The following ST8SIA1 variants were observed in gnomAD, a reference collection of about 807,000 sequenced individuals.
The protein encoded by ST8SIA1 is ST8 alpha-N-acetyl-neuraminide alpha-2,8-sialyltransferase 1.
ST8SIA1 carries 16 observed loss-of-function variants against 35.9 expected under a neutral mutation model. That is an observed-to-expected ratio of 0.45 (90% CI 0.30 to 0.68). The LOEUF (loss-of-function observed/expected upper bound fraction) is 0.68. Among genes scored for constraint, ST8SIA1 ranks in the 30% least tolerant of loss-of-function variants. ST8SIA1 has a pLI of 0.09. For synonymous variants in ST8SIA1, 170 were observed against 169.6 expected, an observed-to-expected ratio of 1.00 and a Z score of -0.02; for missense variants, 383 against 453.6, an observed-to-expected ratio of 0.84 and a Z score of 1.41.
chr12:22,254,522 C>T (rs536919552), intron 3 of ST8SIA1, among the ~76,000 whole-genome samples: 4 of 152,176 alleles, frequency 2.6e-5, no homozygotes, highest in Admixed American at 6.6e-5. Flanking sequence ...TCCTTCTTCC[C>T]TCTCACCCAG....
Position 22,200,388 on chromosome 12 carries a change from C to T in ST8SIA1, c.*1164G>A, listed in dbSNP as rs765276139. 6.6e-5 allele frequency: 10 copies of T among 152,098 alleles called. No individual in the cohort carries two copies. Among genetic ancestry groups the T allele is most frequent in the Non-Finnish European group, 1.5e-4 (10 of 68,016 alleles). The allele number at this position is 152,098 out of a possible 1,614,324, so 9.4% of individuals were successfully genotyped here. A position where few individuals can be genotyped will look rare whatever the true frequency, so the allele number is the denominator to read the frequency against. Reference sequence around the variant, plus strand: ...GCTTTCATAGTTGCACAGTAATGAGCTTTGTTTAACTTTGTGTGTGTGTAT... The same window carrying T: ...GCTTTCATAGTTGCACAGTAATGAGTTTTGTTTAACTTTGTGTGTGTGTAT... On this transcript the variant is annotated 3_prime_UTR_variant, in exon 5 of 5. Coordinates refer to ENST00000396037, the MANE Select transcript of ST8SIA1 (RefSeq NM_003034.4).
chr12:22,310,565 G>A (rs1219217190), intron 1 of ST8SIA1, among the ~76,000 whole-genome samples: 4 of 152,182 alleles, frequency 2.6e-5, no homozygotes, highest in African/African-American at 9.7e-5. Flanking sequence ...AATCTTAAGA[G>A]AAGCTGCATC....
At chr12:22,203,402 T>C (rs1185230931) in intron 4 of ST8SIA1, among the ~76,000 whole-genome samples, 1 of 152,148 alleles carries the variant, frequency 6.6e-6, no homozygotes, top group Non-Finnish European at 1.5e-5. Flanking sequence ...ATCATAATTA[T>C]GTGAAATTAA....
chr12:22,272,323 C>T (rs929238668), intron 2 of ST8SIA1, among the ~76,000 whole-genome samples: 4 of 152,118 alleles, frequency 2.6e-5, no homozygotes, highest in African/African-American at 9.7e-5. Context: ...AATGTATGTC[C>T]TTTACTAATT....
intron 4 of ST8SIA1, among the ~76,000 whole-genome samples, chr12:22,213,164 A>G (rs1345412): frequency 0.23 from 34,343 of 151,838 alleles, 4,164 homozygotes; most frequent in South Asian, 0.35. Flanking sequence ...CCAACCAATC[A>G]GCCGCACCCA....
intron 4 of ST8SIA1, among the ~76,000 whole-genome samples, chr12:22,211,616 T>C (rs766434210): frequency 1.3e-5 from 2 of 152,276 alleles, no homozygotes; most frequent in Non-Finnish European, 2.9e-5. Flanking sequence ...AATATATGTA[T>C]GTTACTTGTG....
At chr12:22,320,961 A>AAG (rs1367869399) in intron 1 of ST8SIA1, among the ~76,000 whole-genome samples, 119 of 79,154 alleles carry the variant, frequency 1.5e-3, no homozygotes, top group Non-Finnish European at 2.4e-3. Flanking sequence ...AAGAAAGAGA[A>AAG]AGAAAGAAAG....
chr12:22,276,025 T>A (rs1486830209), intron 2 of ST8SIA1, among the ~76,000 whole-genome samples: 1 of 152,126 alleles, frequency 6.6e-6, no homozygotes, highest in Non-Finnish European at 1.5e-5. Flanking sequence ...GTCAGGGGAA[T>A]GATATGGAGG....
chr12:22,314,897 A>G (rs1181932356), intron 1 of ST8SIA1, among the ~76,000 whole-genome samples: 1 of 152,120 alleles, frequency 6.6e-6, no homozygotes, highest in Non-Finnish European at 1.5e-5. Context: ...CTAACCGCCC[A>G]AGGTTTTCTT....
chr12:22,272,538 T>C (rs1167952986), intron 2 of ST8SIA1, among the ~76,000 whole-genome samples: 1 of 152,214 alleles, frequency 6.6e-6, no homozygotes, highest in African/African-American at 2.4e-5. Flanking sequence ...TCCACGGCGC[T>C]ACAAAGACTG....
chr12:22,314,027 C>T (rs1343226134), intron 1 of ST8SIA1, among the ~76,000 whole-genome samples: 2 of 152,022 alleles, frequency 1.3e-5, no homozygotes, highest in East Asian at 1.9e-4. Context: ...TCCTTAAAAC[C>T]GTGAGTTGCT....
At chr12:22,283,267 A>G (rs1866058254) in intron 2 of ST8SIA1, among the ~76,000 whole-genome samples, 1 of 152,212 alleles carries the variant, frequency 6.6e-6, no homozygotes, top group East Asian at 1.9e-4. Flanking sequence ...CCGTGTTTTT[A>G]TAATACCAAA....
chr12:22,299,364 A>G (rs1302488382), intron 1 of ST8SIA1, among the ~76,000 whole-genome samples: 1 of 152,148 alleles, frequency 6.6e-6, no homozygotes, highest in Non-Finnish European at 1.5e-5. Flanking sequence ...TTCTGGTAAG[A>G]AAGCTTAAAG....
intron 2 of ST8SIA1, among the ~76,000 whole-genome samples, chr12:22,264,823 C>A (rs1490346820): frequency 2.0e-5 from 3 of 152,140 alleles, no homozygotes; most frequent in Non-Finnish European, 4.4e-5. Flanking sequence ...GATTTGTATT[C>A]CCCATTCTAT....
At position 22,197,611 on chromosome 12, in the gene ST8SIA1, C is replaced by T. The variant is rs993305757; in HGVS notation, c.*3941G>A. ...TTTCCATTTTGGATCATCTATAACA[C>T]TCTTGTAAAGCCTTTGACTAATCCA... is the stretch of plus-strand genomic sequence containing the variant. On this transcript the variant is annotated 3_prime_UTR_variant, in exon 5 of 5. Coordinates refer to ENST00000396037, the MANE Select transcript of ST8SIA1 (RefSeq NM_003034.4). The T allele has an allele frequency of 6.6e-6, 1 of 152,160 alleles. No homozygotes were observed. The highest frequency in any genetic ancestry group is 2.1e-4 in the South Asian group (1 of 4,818). 9.4% of individuals were successfully genotyped at this position (152,160 alleles called of 1,614,324 possible).
chr12:22,203,148 T>C (rs1372835177), intron 4 of ST8SIA1, among the ~76,000 whole-genome samples: 2 of 151,816 alleles, frequency 1.3e-5, no homozygotes, highest in Admixed American at 6.6e-5. Flanking sequence ...GCTGGTAGCC[T>C]GGAGACCAGG....
At chr12:22,327,074 G>A (rs1007522882) in intron 1 of ST8SIA1, among the ~76,000 whole-genome samples, 24 of 152,206 alleles carry the variant, frequency 1.6e-4, no homozygotes, top group African/African-American at 4.6e-4. Flanking sequence ...TTTTTCACTC[G>A]AGTATTGATT....
At chr12:22,331,327 G>A (rs1866761409) in intron 1 of ST8SIA1, among the ~76,000 whole-genome samples, 1 of 152,018 alleles carries the variant, frequency 6.6e-6, no homozygotes, top group South Asian at 2.1e-4. Context: ...TATCCCCCAG[G>A]GCCTAACACA....
At chr12:22,299,229 C>A (rs912162009) in intron 1 of ST8SIA1, among the ~76,000 whole-genome samples, 1 of 151,728 alleles carries the variant, frequency 6.6e-6, no homozygotes, top group Admixed American at 6.6e-5. Context: ...AAAAAGTGTC[C>A]TTTTTAAAGA....
Sources: allele counts gnomAD v4.1 joint callset (sites outside exome capture counted in the v4.1 genomes callset), GRCh38; gene constraint gnomAD v4.1.1; transcripts MANE v1.5; gene names NCBI Gene and HGNC (gene_info 2026-07-23, HGNC 2026-07-21).